RACK1: variants seen among roughly 807,000 people sequenced by gnomAD.
The protein encoded by RACK1 is small ribosomal subunit protein RACK1.
A neutral mutation model predicts 42.2 loss-of-function variants in RACK1; 3 were observed. That is an observed-to-expected ratio of 0.07 (90% CI 0.03 to 0.18). RACK1 has a LOEUF of 0.18. Ranked by LOEUF, RACK1 falls within the 10% of genes least tolerant of loss-of-function variation. RACK1 has a pLI of 1.00. For missense variants in RACK1, 146 were observed against 403.2 expected (o/e 0.36, Z 5.46); for synonymous variants, 181 against 154.8 (o/e 1.17, Z -1.25).
intron 1 of RACK1, chr5:181,243,293 C>G: frequency 7.4e-7 from 1 of 1,358,182 alleles, no homozygotes. Flanking sequence ...TGCCTCCCCA[C>G]GAGCCTTGGG....
intron 1 of RACK1, chr5:181,242,623 T>C (rs960791484): frequency 3.7e-5 from 18 of 486,412 alleles, no homozygotes; most frequent in Non-Finnish European, 7.2e-5. Flanking sequence ...AGTGGCATGA[T>C]CTCGGCTCAC....
At chr5:181,242,472 G>A (rs1336675754) in intron 1 of RACK1, 127 bp from the exon 2 acceptor site, 6 of 684,038 alleles carry the variant, frequency 8.8e-6, no homozygotes, top group African/African-American at 1.8e-5. Flanking sequence ...AGGAGGGATG[G>A]AAACAACAGA....
chr5:181,240,781 G>A (rs1759313805), intron 3 of RACK1, among the ~76,000 whole-genome samples: 1 of 152,152 alleles, frequency 6.6e-6, no homozygotes, highest in African/African-American at 2.4e-5. Flanking sequence ...TCCCACCTTG[G>A]CCTACCAGAG....
intron 1 of RACK1, 51 bp downstream of exon 1, chr5:181,243,641 G>GA: frequency 6.5e-7 from 1 of 1,546,588 alleles, no homozygotes; most frequent in African/African-American, 1.4e-5. Flanking sequence ...ACGACACGCG[G>GA]AATCCCCCAG....
intron 2 of RACK1, 199 bp downstream of exon 2, chr5:181,241,975 C>CA: frequency 1.3e-6 from 1 of 776,652 alleles, no homozygotes; most frequent in Non-Finnish European, 2.3e-6. Flanking sequence ...TTGCACCTGG[C>CA]AAAAATGTTC....
At chr5:181,238,791 TC>T (rs1266077922) in intron 5 of RACK1, 2 of 408,428 alleles carry the variant, frequency 4.9e-6, no homozygotes, top group Admixed American at 3.5e-5. Context: ...CGAGTGAGAC[TC>T]CGTCTCAAAA....
Position 181,241,516 on chromosome 5 carries a change from C to G in RACK1, c.405G>C (p.Leu135=). 1 of 1,613,576 alleles carries G rather than the reference C, an allele frequency of 6.2e-7. No individual in the cohort carries two copies. Among genetic ancestry groups the G allele is most frequent in the Non-Finnish European group, 8.5e-7 (1 of 1,179,926 alleles). Residue 135 remains leucine, a synonymous_variant, in exon 3 of 8, where the codon CTG becomes CTC. Coordinates refer to ENST00000512805, the MANE Select transcript of RACK1 (RefSeq NM_006098.5). ...RDKTIKLWNT[L]GVCKYTVQDE... is the part of the protein sequence containing the mutation. ...CCTGGACAGTGTATTTGCACACACC[C>G]AGGGTATTCCATAGCTTGATGGTTT...
At position 181,243,874 on chromosome 5, in the gene RACK1, C is replaced by T. The variant is rs11540179; in HGVS notation, c.-74G>A. Reference sequence around the variant, plus strand: ...TGGCTTAGAGAAACTAGCACCACAACCTCTCCTGCCGCCGCCTTGCAGTGA... The same window carrying T: ...TGGCTTAGAGAAACTAGCACCACAATCTCTCCTGCCGCCGCCTTGCAGTGA... On this transcript the variant is annotated 5_prime_UTR_variant, in exon 1 of 8. Transcript: ENST00000512805. The T allele has an allele frequency of 6.0e-6, 9 of 1,502,746 alleles. No homozygotes were observed. The Admixed American group carries it at 6.7e-5, about 11-fold the overall frequency. 93.1% of individuals were successfully genotyped at this position (1,502,746 alleles called of 1,614,324 possible).
At chr5:181,237,137 C>T in intron 7 of RACK1, 95 bp from the exon 8 acceptor site, 1 of 1,575,622 alleles carries the variant, frequency 6.3e-7, no homozygotes, top group Non-Finnish European at 8.6e-7. Context: ...GATCCGTCCA[C>T]CTTGCTCCAT....
At chr5:181,243,073 T>C (rs1464251513) in intron 1 of RACK1, 3 of 373,442 alleles carry the variant, frequency 8.0e-6, no homozygotes, top group East Asian at 7.3e-5. Flanking sequence ...CAGGATTGGA[T>C]GCTTTTACTG....
Position 181,239,012 on chromosome 5 carries a change from G to A in RACK1, c.636+55C>T. On this transcript the variant is annotated intron_variant, in intron 5 of 7. Transcript: ENST00000512805. Reference sequence around the variant, plus strand: ...TTTACGTTAGAGACGCTGGCTAAGTGCTCCTTCCATGACGCTGTCTTCCAC... The same window carrying A: ...TTTACGTTAGAGACGCTGGCTAAGTACTCCTTCCATGACGCTGTCTTCCAC... 3 of 1,132,734 alleles carry A rather than the reference G, an allele frequency of 2.6e-6. No homozygotes were observed. The Middle Eastern group carries it at 5.8e-4, about 219-fold the overall frequency. 70.2% of individuals were successfully genotyped at this position (1,132,734 alleles called of 1,614,324 possible).
At chr5:181,237,871 G>A (rs1040757390) in intron 6 of RACK1, 152 bp from the exon 7 acceptor site, 1 of 663,006 alleles carries the variant, frequency 1.5e-6, no homozygotes, top group African/African-American at 1.8e-5. Context: ...GCCACTAGTG[G>A]AAGGATGGTT....
chr5:181,239,492 C>A lies in RACK1; in HGVS notation c.520G>T (p.Val174Phe). 1 of 1,612,514 alleles carries A rather than the reference C, an allele frequency of 6.2e-7. No individual in the cohort carries two copies. The highest frequency in any genetic ancestry group is 1.3e-5 in the African/African-American group (1 of 74,998). ...TGCCTTGGCTTGACGCTCACCTTGA[C>A]CAGCTTGTCCCAGCCACAGGAGACG... ...IIVSCGWDKL[V>F]KVWNLANCKL... is the part of the protein sequence containing the mutation. The change falls in exon 4 of 8, where the codon GTC becomes TTC. Residue 174 changes from valine to phenylalanine, a missense_variant. Val to Phe is a conservative substitution (Grantham distance 50, BLOSUM62 -1). Transcript: ENST00000512805.
intron 1 of RACK1, chr5:181,243,021 G>A: frequency 2.0e-5 from 7 of 350,482 alleles, no homozygotes; most frequent in South Asian, 1.5e-4. Flanking sequence ...AGGGCCGACA[G>A]AAATGTAGTA....
intron 3 of RACK1, among the ~76,000 whole-genome samples, chr5:181,239,998 T>C (rs1051274498): frequency 1.3e-5 from 2 of 152,116 alleles, no homozygotes; most frequent in African/African-American, 4.8e-5. Context: ...TGAGCCAAGA[T>C]TGTGCCATTG....
chr5:181,239,766 T>C (rs1759270013), intron 3 of RACK1, among the ~76,000 whole-genome samples, 184 bp from the exon 4 acceptor site: 1 of 152,168 alleles, frequency 6.6e-6, no homozygotes, highest in Non-Finnish European at 1.5e-5. Context: ...AATTTAGAGA[T>C]GGTGGCTGGA....
At position 181,243,571 on chromosome 5, in the gene RACK1, TGTCA is replaced by T; in HGVS notation, c.109+117_109+120del. 2.1e-6 allele frequency: 3 copies of T among 1,422,242 alleles called. No homozygotes were observed. The South Asian group carries it at 4.1e-5, about 19-fold the overall frequency. 88.1% of individuals were successfully genotyped at this position (1,422,242 alleles called of 1,614,324 possible). A position where few individuals can be genotyped will look rare whatever the true frequency, so the allele number is the denominator to read the frequency against. On this transcript the variant is annotated intron_variant, in intron 1 of 7. Coordinates refer to ENST00000512805, the MANE Select transcript of RACK1 (RefSeq NM_006098.5). ...CAATTCACAATGGGGCAGAGAAGTC[TGTCA>T]GTCCCCGCCAACTCGCGCGCCACCG...
At chr5:181,243,236 G>A (rs755703364) in intron 1 of RACK1, 2 of 1,330,960 alleles carry the variant, frequency 1.5e-6, no homozygotes, top group Admixed American at 2.0e-5. Flanking sequence ...ACCAGGGGCA[G>A]AAAAAGTAGG....
chr5:181,238,074 C>T, intron 6 of RACK1, 25 bp downstream of exon 6: 1 of 1,613,088 alleles, frequency 6.2e-7, no homozygotes, highest in East Asian at 2.2e-5. Flanking sequence ...AGCCAGGTAC[C>T]CAGTCAATTG....
Sources: gnomAD v4.1 joint callset for allele counts (sites outside exome capture counted in the v4.1 genomes callset) on GRCh38, gnomAD v4.1.1 for gene constraint, MANE v1.5 for transcripts, NCBI Gene and HGNC (gene_info 2026-07-23, HGNC 2026-07-21) for gene names.